The following KALRN variants were observed in gnomAD, a reference collection of about 807,000 sequenced individuals.
The protein encoded by KALRN is kalirin RhoGEF kinase, also known as kalirin.
A neutral mutation model predicts 353.7 loss-of-function variants in KALRN; 70 were observed. The observed-to-expected ratio is 0.20, with a 90% CI of 0.16 to 0.24. KALRN has a LOEUF of 0.24. Ranked by LOEUF, KALRN falls within the 10% of genes least tolerant of loss-of-function variation. KALRN has a pLI of 1.00. For synonymous variants in KALRN, 1,391 were observed against 1,434.8 expected, an observed-to-expected ratio of 0.97 and a Z score of 0.69; for missense variants, 2,791 against 3,756.7, an observed-to-expected ratio of 0.74 and a Z score of 6.72.
intron 34 of KALRN, among the ~76,000 whole-genome samples, chr3:124,568,307 C>T (rs1291294351): frequency 2.0e-5 from 3 of 152,150 alleles, no homozygotes; most frequent in Non-Finnish European, 4.4e-5. Context: ...AATAACATGT[C>T]ACTGCAAAGG....
chr3:124,527,728 C>T (rs1384171779), intron 33 of KALRN, among the ~76,000 whole-genome samples: 3 of 152,058 alleles, frequency 2.0e-5, no homozygotes, highest in African/African-American at 7.2e-5. Flanking sequence ...GAAGAGGGTG[C>T]CCAGAAATGT....
chr3:124,487,040 A>G (rs1190069785), intron 28 of KALRN, among the ~76,000 whole-genome samples: 2 of 152,138 alleles, frequency 1.3e-5, no homozygotes, highest in African/African-American at 4.8e-5. Flanking sequence ...TGTTTACAAG[A>G]TTTGATCTGG....
chr3:124,196,308 C>G (rs9821671), intron 1 of KALRN, among the ~76,000 whole-genome samples: 3,203 of 152,198 alleles, frequency 0.021, 129 homozygotes, highest in African/African-American at 0.073. Flanking sequence ...AGGTGCTCTT[C>G]CCATGAGAAG....
At chr3:124,410,284 C>G (rs997210263) in intron 13 of KALRN, 1 of 532,802 alleles carries the variant, frequency 1.9e-6, no homozygotes, top group East Asian at 5.5e-5. Flanking sequence ...ATAGATACCT[C>G]AGACTCAGTT....
chr3:124,337,730 C>A (rs529108830), intron 9 of KALRN, among the ~76,000 whole-genome samples: 1 of 152,188 alleles, frequency 6.6e-6, no homozygotes, highest in Non-Finnish European at 1.5e-5. Context: ...ACCAGCTCCT[C>A]TTTGTATCTC....
intron 57 of KALRN, among the ~76,000 whole-genome samples, chr3:124,704,791 C>T (rs889844467): frequency 2.0e-5 from 3 of 152,326 alleles, no homozygotes; most frequent in African/African-American, 7.2e-5. Context: ...CTCAAGCAAT[C>T]CACCCACCTT....
At chr3:124,224,539 C>A (rs546818009) in intron 1 of KALRN, among the ~76,000 whole-genome samples, 3 of 152,048 alleles carry the variant, frequency 2.0e-5, no homozygotes, top group South Asian at 2.1e-4. Context: ...CCAAATATAC[C>A]AGAAATAACA....
At chr3:124,715,194 A>G (rs1183404584) in intron 58 of KALRN, among the ~76,000 whole-genome samples, 1 of 152,182 alleles carries the variant, frequency 6.6e-6, no homozygotes, top group East Asian at 1.9e-4. Context: ...GCTTGGTTGG[A>G]CCTGAAGTTC....
At chr3:124,611,292 A>G (rs535233251) in intron 34 of KALRN, among the ~76,000 whole-genome samples, 3 of 152,340 alleles carry the variant, frequency 2.0e-5, no homozygotes, top group Middle Eastern at 3.4e-3. Context: ...AATGTTACCT[A>G]AAACTGTGTC....
chr3:124,123,376 T>C (rs1342925635), intron 1 of KALRN, among the ~76,000 whole-genome samples: 3 of 152,140 alleles, frequency 2.0e-5, no homozygotes, highest in East Asian at 1.9e-4. Context: ...GGATAGAAGA[T>C]CAAGTCAGCA....
intron 1 of KALRN, among the ~76,000 whole-genome samples, chr3:124,168,749 A>G (rs765271918): frequency 5.9e-5 from 9 of 152,194 alleles, no homozygotes; most frequent in African/African-American, 1.2e-4. Flanking sequence ...AAGGCACCAA[A>G]TGTGGTAACT....
chr3:124,373,268 G>T (rs996980024), intron 10 of KALRN, among the ~76,000 whole-genome samples: 4 of 152,034 alleles, frequency 2.6e-5, no homozygotes, highest in African/African-American at 9.7e-5. Context: ...CAACTGGAAG[G>T]CAATTTTTGT....
At chr3:124,550,344 C>T (rs2070326023) in intron 33 of KALRN, among the ~76,000 whole-genome samples, 1 of 152,114 alleles carries the variant, frequency 6.6e-6, no homozygotes, top group South Asian at 2.1e-4. Context: ...AGAGAATCTG[C>T]AAGACTGGGC....
In KALRN at chr3:124,369,158, A is replaced by G. The variant is rs1303627438; in HGVS notation, c.1771-15687A>G. Among the ~76,000 whole-genome samples the G allele has an allele frequency of 2.6e-5, 4 of 152,260 alleles. No individual in the cohort carries two copies. In the East Asian group the frequency reaches 7.7e-4, roughly 29 times the overall value. On this transcript the variant is annotated intron_variant, in intron 10 of 59. Coordinates refer to ENST00000682506, the MANE Select transcript of KALRN (RefSeq NM_001388419.1). Reference sequence around the variant, plus strand: ...CCAAGCATTCGTGTCTTCAGGCTCTACATAACTAGAAAATGCATTCATCTT... The same window carrying G: ...CCAAGCATTCGTGTCTTCAGGCTCTGCATAACTAGAAAATGCATTCATCTT...
chr3:124,048,812 T>C (rs2040765222), intron 1 of KALRN, among the ~76,000 whole-genome samples: 1 of 152,214 alleles, frequency 6.6e-6, no homozygotes, highest in South Asian at 2.1e-4. Context: ...TTGTGTTACA[T>C]TCTGTTGTGA....
chr3:124,678,396 T>G (rs2087436836), intron 50 of KALRN, 83 bp downstream of exon 50: 6 of 1,492,754 alleles, frequency 4.0e-6, no homozygotes. Flanking sequence ...TTTGGGTGGA[T>G]GGGTTATTTT....
chr3:124,450,853 G>A (rs531533497), intron 21 of KALRN, among the ~76,000 whole-genome samples: 5 of 152,148 alleles, frequency 3.3e-5, no homozygotes, highest in East Asian at 1.9e-4. Context: ...ATGAGCCACC[G>A]CGCCTGGTCT....
chr3:124,508,300 C>T (rs188900331), intron 33 of KALRN, among the ~76,000 whole-genome samples: 1 of 152,314 alleles, frequency 6.6e-6, no homozygotes, highest in East Asian at 1.9e-4. Flanking sequence ...GGTCACAACC[C>T]TGGAGGTCAC....
chr3:124,496,301 C>G lies in KALRN; in HGVS notation c.4833-10C>G. 2 of 1,509,502 alleles carry G rather than the reference C, an allele frequency of 1.3e-6. No individual in the cohort carries two copies. The highest frequency in any genetic ancestry group is 1.8e-6 in the Non-Finnish European group (2 of 1,107,970). 93.5% of individuals were successfully genotyped at this position (1,509,502 alleles called of 1,614,324 possible). A position where few individuals can be genotyped will look rare whatever the true frequency, so the allele number is the denominator to read the frequency against. On this transcript the variant is annotated splice_polypyrimidine_tract_variant and intron_variant, in intron 32 of 59. Transcript: ENST00000682506. ...CCCCCACCCCTGTTTTTTTTCTCTT[C>G]TTCCTGCAGGGATGGAGTGGAGGAT...
Sources: allele counts gnomAD v4.1 joint callset (sites outside exome capture counted in the v4.1 genomes callset), GRCh38; gene constraint gnomAD v4.1.1; transcripts MANE v1.5; gene names NCBI Gene and HGNC (gene_info 2026-07-23, HGNC 2026-07-21).